ASTN1: variants seen among roughly 807,000 people sequenced by gnomAD.
ASTN1 encodes astrotactin 1.
Under a neutral mutation model 140.7 loss-of-function variants are expected in ASTN1, and 41 were observed. The observed-to-expected ratio is 0.29, with a 90% CI of 0.23 to 0.38. The LOEUF is 0.38. Among genes scored for constraint, ASTN1 ranks in the 10% least tolerant of loss-of-function variants. The probability of loss-of-function intolerance (pLI) is 1.00; values close to 1 mark genes in which losing one functional copy is unlikely to be tolerated. For synonymous variants in ASTN1, 640 were observed against 652.2 expected, an observed-to-expected ratio of 0.98 and a Z score of 0.29; for missense variants, 1,479 against 1,678.8, an observed-to-expected ratio of 0.88 and a Z score of 2.08.
chr1:176,908,132 A>AACACACACACACAC (rs10669124), intron 16 of ASTN1, among the ~76,000 whole-genome samples: 2 of 149,686 alleles, frequency 1.3e-5, no homozygotes, highest in Non-Finnish European at 3.0e-5. Context: ...TCTCTTATGC[A>AACACACACACACAC]ACACACACAC....
chr1:176,876,086 G>A (rs1402608145), intron 21 of ASTN1, among the ~76,000 whole-genome samples: 4 of 152,184 alleles, frequency 2.6e-5, no homozygotes. Context: ...AAATTTTGAT[G>A]TATTTTTGCC....
At chr1:176,912,288 G>A (rs564612196) in intron 16 of ASTN1, among the ~76,000 whole-genome samples, 12 of 152,162 alleles carry the variant, frequency 7.9e-5, no homozygotes, top group Non-Finnish European at 1.8e-4. Flanking sequence ...CTGTGCCTTT[G>A]TAGTGCAAAC....
intron 16 of ASTN1, among the ~76,000 whole-genome samples, chr1:176,924,827 G>T (rs560961519): frequency 2.6e-5 from 4 of 152,246 alleles, no homozygotes; most frequent in East Asian, 1.9e-4. Context: ...ATCAGCACTA[G>T]AATTTTCCCA....
intron 7 of ASTN1, among the ~76,000 whole-genome samples, chr1:177,018,498 G>C (rs554833456): frequency 2.6e-5 from 4 of 152,330 alleles, no homozygotes; most frequent in Admixed American, 2.6e-4. Flanking sequence ...CCACATGGTT[G>C]GGTCTGGCCT....
chr1:176,946,256 C>CAATTTGATTTTG, intron 12 of ASTN1, 136 bp from the exon 13 acceptor site: 1 of 881,896 alleles, frequency 1.1e-6, no homozygotes, highest in East Asian at 2.7e-5. Context: ...AGTTATATTC[C>CAATTTGATTTTG]AATTTGATTT....
chr1:176,870,947 G>A (rs188502095), intron 21 of ASTN1, among the ~76,000 whole-genome samples: 2 of 152,256 alleles, frequency 1.3e-5, no homozygotes, highest in East Asian at 1.9e-4. Flanking sequence ...GAGAAGATTT[G>A]GGAAAAGGCC....
rs968815117 is a variant in ASTN1, at chr1:176,890,895, C to T, written c.2941-2691G>A. On this transcript the variant is annotated intron_variant, in intron 17 of 22. Coordinates refer to ENST00000361833, the MANE Select transcript of ASTN1 (RefSeq NM_004319.3). ...ACAAAAAGTAAGCTGGCCATGGTGG[C>T]GGGCGCCTGTAATCCCAGCTACTCA... Among the ~76,000 whole-genome samples the T allele has an allele frequency of 2.0e-5, 3 of 152,020 alleles. 1 individual carries two copies. Among genetic ancestry groups the T allele is most frequent in the Admixed American group, 1.3e-4 (2 of 15,264 alleles).
In ASTN1 at chr1:176,894,683, G is replaced by A; in HGVS notation, c.2819C>T (p.Pro940Leu). The A allele has an allele frequency of 6.2e-7, 1 of 1,614,110 alleles. No homozygotes were observed. Among genetic ancestry groups the A allele is most frequent in the Non-Finnish European group, 8.5e-7 (1 of 1,180,024 alleles). ...CACATGACACAGGGGGCAGGACGAG[G>A]GGCATCGTCCCTTGCTGTGGCACTC... is the stretch of plus-strand genomic sequence containing the variant. ...RMECHSKGRC[P>L]SSCPLCHVTS... is the part of the protein sequence containing the mutation. The change falls in exon 17 of 23, where the codon CCC (proline) becomes CTC (leucine). Residue 940 changes from proline (P) to leucine (L), a missense_variant. By Grantham distance (98) the Pro-to-Leu change is moderately conservative. This residue lies in a region of ASTN1 where 746 missense variants were observed against 800.9 expected (regional missense o/e 0.93). Coordinates refer to ENST00000361833, the MANE Select transcript of ASTN1 (RefSeq NM_004319.3).
rs1029437087 is a variant in ASTN1, at chr1:176,863,566, C to A, written c.*718G>T. 1 of 985,412 alleles carries A rather than the reference C, an allele frequency of 1.0e-6. No individual in the cohort carries two copies. Among genetic ancestry groups the A allele is most frequent in the African/African-American group, 1.7e-5 (1 of 57,346 alleles). 61.0% of individuals were successfully genotyped at this position (985,412 alleles called of 1,614,324 possible). ...TGGCATCTTGTTCCCTCTCAAAGATCATGTTGTTCAGAGGAAGGGACAGAG... is the reference window on the plus strand; with the variant it reads ...TGGCATCTTGTTCCCTCTCAAAGATAATGTTGTTCAGAGGAAGGGACAGAG... On this transcript the variant is annotated 3_prime_UTR_variant, in exon 23 of 23. Coordinates refer to ENST00000361833, the MANE Select transcript of ASTN1 (RefSeq NM_004319.3).
At chr1:176,970,939 C>T (rs1009105075) in intron 8 of ASTN1, among the ~76,000 whole-genome samples, 1 of 152,172 alleles carries the variant, frequency 6.6e-6, no homozygotes, top group Non-Finnish European at 1.5e-5. Context: ...TAAATGAAAG[C>T]ACATCCTTTC....
chr1:177,100,108 T>C (rs957968511), intron 1 of ASTN1, among the ~76,000 whole-genome samples: 4 of 152,116 alleles, frequency 2.6e-5, no homozygotes, highest in Non-Finnish European at 4.4e-5. Flanking sequence ...CTAACACATG[T>C]TCCATCACAC....
intron 18 of ASTN1, 102 bp from the exon 19 acceptor site, chr1:176,884,592 C>A (rs1044646441): frequency 6.1e-6 from 8 of 1,317,606 alleles, no homozygotes; most frequent in African/African-American, 1.5e-5. Flanking sequence ...CTTTCCCAAC[C>A]AACTACAAAA....
At chr1:176,991,373 A>G (rs532449961) in intron 8 of ASTN1, among the ~76,000 whole-genome samples, 2 of 142,242 alleles carry the variant, frequency 1.4e-5, no homozygotes, top group South Asian at 4.8e-4. Context: ...AGATCATGCC[A>G]TTGCACTCCA....
intron 6 of ASTN1, 58 bp from the exon 7 acceptor site, chr1:177,023,629 GC>G: frequency 1.4e-6 from 2 of 1,464,152 alleles, no homozygotes; most frequent in Non-Finnish European, 1.8e-6. Flanking sequence ...ACGTCCACAA[GC>G]CACCGAAGAC....
At chr1:177,070,925 T>C (rs1203255664) in intron 1 of ASTN1, among the ~76,000 whole-genome samples, 2 of 152,212 alleles carry the variant, frequency 1.3e-5, no homozygotes, top group Non-Finnish European at 2.9e-5. Context: ...TCATCATCAA[T>C]ATCATTAATA....
intron 8 of ASTN1, among the ~76,000 whole-genome samples, chr1:177,005,939 G>A (rs1674974069): frequency 6.6e-6 from 1 of 152,118 alleles, no homozygotes; most frequent in Non-Finnish European, 1.5e-5. Context: ...CATTATGTGA[G>A]GGATTACTCC....
chr1:176,924,221 T>C (rs1339627034), intron 16 of ASTN1, among the ~76,000 whole-genome samples: 1 of 152,214 alleles, frequency 6.6e-6, no homozygotes, highest in Non-Finnish European at 1.5e-5. Flanking sequence ...TGGTTATCAT[T>C]CTGATATTTA....
chr1:176,974,916 A>C (rs2101869605), intron 8 of ASTN1, among the ~76,000 whole-genome samples: 1 of 152,304 alleles, frequency 6.6e-6, no homozygotes, highest in Middle Eastern at 3.4e-3. Flanking sequence ...TCAGAGAATA[A>C]GAAAGTGAGG....
chr1:176,932,541 C>G (rs570654287), intron 16 of ASTN1, among the ~76,000 whole-genome samples: 1 of 152,180 alleles, frequency 6.6e-6, no homozygotes. Flanking sequence ...TAGAGATTGA[C>G]GTAGACCTAC....
Sources: allele counts gnomAD v4.1 joint callset (sites outside exome capture counted in the v4.1 genomes callset), GRCh38; gene constraint gnomAD v4.1.1; regional missense constraint gnomAD v4.1.1; transcripts MANE v1.5; gene names NCBI Gene and HGNC (gene_info 2026-07-23, HGNC 2026-07-21).